NAPG: variants seen among roughly 807,000 people sequenced by gnomAD.
NAPG encodes NSF attachment protein gamma, also known as gamma-soluble NSF attachment protein.
In NAPG, 25 loss-of-function variants were observed where a neutral mutation model predicts 48.4. The ratio of observed to expected loss-of-function variants is 0.52; its 90% confidence interval spans 0.38 to 0.72. NAPG has a LOEUF of 0.72. NAPG is among the 30% of genes least tolerant of loss of function. The pLI, the probability that NAPG is intolerant of heterozygous loss-of-function variation, is 0.00. For synonymous variants in NAPG, 139 were observed against 127.2 expected, an observed-to-expected ratio of 1.09 and a Z score of -0.62; for missense variants, 359 against 372.5, an observed-to-expected ratio of 0.96 and a Z score of 0.30.
chr18:10,532,446 G>T (rs893566536), intron 2 of NAPG, among the ~76,000 whole-genome samples: 3 of 152,054 alleles, frequency 2.0e-5, no homozygotes, highest in African/African-American at 7.2e-5. Context: ...AAGACTTCTT[G>T]ATTTTGAGTG....
chr18:10,538,238 A>G (rs534281714), intron 5 of NAPG, among the ~76,000 whole-genome samples: 2 of 152,308 alleles, frequency 1.3e-5, no homozygotes, highest in Admixed American at 6.5e-5. Context: ...AGGAATAACT[A>G]AAATGAATGA....
chr18:10,547,125 G>A (rs1025245263), intron 9 of NAPG, among the ~76,000 whole-genome samples: 14 of 152,340 alleles, frequency 9.2e-5, no homozygotes, highest in African/African-American at 3.1e-4. Context: ...AAAGCTTGGA[G>A]AGCTAAGATT....
intron 1 of NAPG, among the ~76,000 whole-genome samples, chr18:10,529,775 C>T (rs1488777178): frequency 1.3e-5 from 2 of 152,112 alleles, no homozygotes; most frequent in Non-Finnish European, 2.9e-5. Flanking sequence ...GAAGCTATGA[C>T]TTTGTGGCAG....
chr18:10,542,689 G>GT lies in NAPG; in HGVS notation c.506+2295dup, dbSNP rs1170450735. Among the ~76,000 whole-genome samples the GT allele has an allele frequency of 1.3e-5, 2 of 152,152 alleles. No individual in the cohort carries two copies. The highest frequency in any genetic ancestry group is 4.8e-5 in the African/African-American group (2 of 41,428). ...TGTTATATTTAGTTAGTGCACTTATGTTTTTACATTAACATGAGTCCATAA... is the reference window on the plus strand; with the variant it reads ...TGTTATATTTAGTTAGTGCACTTATGTTTTTTACATTAACATGAGTCCATAA... On this transcript the variant is annotated intron_variant, in intron 8 of 11. Transcript: ENST00000322897. This position sits in a 1 kb window ranked among gnomAD's most constrained non-coding sequence, Gnocchi z 4.5.
rs550458103 is a variant in NAPG at position 10,534,481 on chromosome 18, T to C, written c.243T>C (p.Ala81=). 24 of 1,613,336 alleles carry C rather than the reference T, an allele frequency of 1.5e-5. 1 individual carries two copies. The South Asian group carries it at 2.4e-4, about 16-fold the overall frequency. Residue 81 remains alanine, a synonymous_variant, in exon 5 of 12, where the codon GCT becomes GCC. Transcript: ENST00000322897. This position sits in a 1 kb window ranked among gnomAD's most constrained non-coding sequence, Gnocchi z 5.0. Reference sequence around the variant, plus strand: ...CTCTTTGCAGAGCTTATGAGCAAGCTGGAATGATGTTGAAGGTCAGTAATG... The same window carrying C: ...CTCTTTGCAGAGCTTATGAGCAAGCCGGAATGATGTTGAAGGTCAGTAATG... ...LFHAAKAYEQ[A]GMMLKEMQKL... is the part of the protein sequence containing the mutation.
In NAPG at chr18:10,542,792, G is replaced by A. The variant is rs1310500542; in HGVS notation, c.506+2393G>A. On this transcript the variant is annotated intron_variant, in intron 8 of 11. Transcript: ENST00000322897. The surrounding 1 kb of genome is among the most constrained non-coding windows in gnomAD (Gnocchi z 4.5). ...ATATTAATCTCTTGCTTCTCCTTCA[G>A]TTTTGGAGAGTCAAAATTCAGAAGT... 6.6e-6 allele frequency among the ~76,000 whole-genome samples: 1 copy of A among 152,162 alleles called. No homozygotes were observed. The highest frequency in any genetic ancestry group is 2.4e-5 in the African/African-American group (1 of 41,434).
At position 10,543,603 on chromosome 18, in the gene NAPG, G is replaced by C. The variant is rs113896607; in HGVS notation, c.507-2723G>C. ...GAACAGTTTGAGTTGTGGTGTAGAA[G>C]GTGTCTGTTGAAAGCTTGGGGATGA... On this transcript the variant is annotated intron_variant, in intron 8 of 11. Coordinates refer to ENST00000322897, the MANE Select transcript of NAPG (RefSeq NM_003826.3). This position sits in a 1 kb window ranked among gnomAD's most constrained non-coding sequence, Gnocchi z 4.4. Among the ~76,000 whole-genome samples the C allele has an allele frequency of 3.3e-5, 5 of 152,328 alleles. No homozygotes were observed. Among genetic ancestry groups the C allele is most frequent in the African/African-American group, 1.2e-4 (5 of 41,576 alleles).
At chr18:10,540,247 C>G in intron 7 of NAPG, 82 bp from the exon 8 acceptor site, 1 of 1,305,110 alleles carries the variant, frequency 7.7e-7, no homozygotes, top group Non-Finnish European at 1.1e-6. Context: ...AGTGCCATTA[C>G]TTCTTTACAA....
In NAPG at chr18:10,543,276, C is replaced by G. The variant is rs564507912; in HGVS notation, c.506+2877C>G. On this transcript the variant is annotated intron_variant, in intron 8 of 11. Transcript: ENST00000322897. The surrounding 1 kb of genome is among the most constrained non-coding windows in gnomAD (Gnocchi z 4.4). ...ACCCAAATCCCTCCTAGAAGACTCA[C>G]TTAGCAAAGAAAAGAGCTGCTTCTC... 6.6e-6 allele frequency among the ~76,000 whole-genome samples: 1 copy of G among 152,112 alleles called. No individual in the cohort carries two copies.
At chr18:10,526,240 G>GTCCCCCC in intron 1 of NAPG, 82 bp downstream of exon 1, 1 of 796,778 alleles carries the variant, frequency 1.3e-6, no homozygotes, top group Non-Finnish European at 2.1e-6. Flanking sequence ...CGGGGGGGGC[G>GTCCCCCC]GGAGGGAGGG....
At chr18:10,545,396 A>G (rs926043406) in intron 8 of NAPG, among the ~76,000 whole-genome samples, 5 of 152,230 alleles carry the variant, frequency 3.3e-5, no homozygotes, top group African/African-American at 1.2e-4. Flanking sequence ...TTACAATACC[A>G]CTTACCTCCC....
chr18:10,540,137 C>CTACTTTTAA, intron 7 of NAPG, 83 bp downstream of exon 7: 1 of 1,249,126 alleles, frequency 8.0e-7, no homozygotes. Flanking sequence ...AGTGCAGTGG[C>CTACTTTTAA]TACTTTTAAA....
At chr18:10,527,059 G>C (rs1441339217) in intron 1 of NAPG, among the ~76,000 whole-genome samples, 1 of 151,862 alleles carries the variant, frequency 6.6e-6, no homozygotes, top group East Asian at 1.9e-4. Context: ...GTGGTGGCGG[G>C]CGCCTGTAGT....
chr18:10,541,358 C>G (rs377427936), intron 8 of NAPG, among the ~76,000 whole-genome samples: 1 of 151,974 alleles, frequency 6.6e-6, no homozygotes, highest in African/African-American at 2.4e-5. Flanking sequence ...AATGTCAGTC[C>G]GGGGTCATTA....
intron 2 of NAPG, 119 bp downstream of exon 2, chr18:10,530,956 A>G (rs2031916739): frequency 2.5e-6 from 2 of 791,230 alleles, no homozygotes; most frequent in Non-Finnish European, 3.6e-6. Context: ...TAAAAAACAA[A>G]CAAAACAACT....
At chr18:10,526,287 A>G (rs12962763) in intron 1 of NAPG, 129 bp downstream of exon 1, 168,083 of 694,368 alleles carry the variant, frequency 0.24, 27,787 homozygotes, top group East Asian at 0.34. Flanking sequence ...TGGTGCCCGC[A>G]GGGCTGCCGG....
rs1379797543 is a variant in NAPG, at chr18:10,542,671, TTTAG to T, written c.506+2278_506+2281del. Among the ~76,000 whole-genome samples, 7 of 152,242 alleles carry T rather than the reference TTTAG, an allele frequency of 4.6e-5. No individual in the cohort carries two copies. Among genetic ancestry groups the T allele is most frequent in the Admixed American group, 3.3e-4 (5 of 15,286 alleles). Reference sequence around the variant, plus strand: ...AGTCTAAAGTTTTATGTTTGTTATATTTAGTTAGTGCACTTATGTTTTTACATTA... The same window carrying T: ...AGTCTAAAGTTTTATGTTTGTTATATTTAGTGCACTTATGTTTTTACATTA... On this transcript the variant is annotated intron_variant, in intron 8 of 11. Coordinates refer to ENST00000322897, the MANE Select transcript of NAPG (RefSeq NM_003826.3). This position sits in a 1 kb window ranked among gnomAD's most constrained non-coding sequence, Gnocchi z 4.5.
At chr18:10,528,458 AAGGTAATATGCTCAGG>A (rs2031864532) in intron 1 of NAPG, among the ~76,000 whole-genome samples, 1 of 152,216 alleles carries the variant, frequency 6.6e-6, no homozygotes, top group South Asian at 2.1e-4. Flanking sequence ...AAGCAAGGAA[AAGGTAATATGCTCAGG>A]ATGTGGGGAA....
In NAPG at chr18:10,548,707, G is replaced by A. The variant is rs981924499; in HGVS notation, c.666-260G>A. 2.6e-5 allele frequency among the ~76,000 whole-genome samples: 4 copies of A among 151,898 alleles called. No individual in the cohort carries two copies. Among genetic ancestry groups the A allele is most frequent in the Non-Finnish European group, 5.9e-5 (4 of 67,980 alleles). On this transcript the variant is annotated intron_variant, in intron 10 of 11. Coordinates refer to ENST00000322897, the MANE Select transcript of NAPG (RefSeq NM_003826.3). This position sits in a 1 kb window ranked among gnomAD's most constrained non-coding sequence, Gnocchi z 4.4. Reference sequence around the variant, plus strand: ...AGAAATCAAAATGAGGAATTTTCTCGGTGTTTAACATGAGCAGTCTTAATC... The same window carrying A: ...AGAAATCAAAATGAGGAATTTTCTCAGTGTTTAACATGAGCAGTCTTAATC...
Sources: gnomAD v4.1 joint callset for allele counts (sites outside exome capture counted in the v4.1 genomes callset) on GRCh38, gnomAD v4.1.1 for gene constraint, Gnocchi (gnomAD v3.1) non-coding constraint, MANE v1.5 for transcripts, NCBI Gene and HGNC (gene_info 2026-07-23, HGNC 2026-07-21) for gene names.